Variants in PDE9A observed in about 807,000 individuals in gnomAD.
The protein encoded by PDE9A is high affinity cGMP-specific 3',5'-cyclic phosphodiesterase 9A.
PDE9A carries 60 observed loss-of-function variants against 87.4 expected under a neutral mutation model. The observed-to-expected ratio is 0.69, with a 90% confidence interval of 0.56 to 0.85. PDE9A has a LOEUF of 0.85. Among genes scored for constraint, PDE9A ranks in the 40% least tolerant of loss-of-function variants. The probability of loss-of-function intolerance (pLI) is 0.00; values close to 1 mark genes in which losing one functional copy is unlikely to be tolerated. For synonymous variants in PDE9A, 272 were observed against 279.4 expected (o/e 0.97, Z 0.27); for missense variants, 665 against 779.0 (o/e 0.85, Z 1.74).
intron 8 of PDE9A, 133 bp from the exon 9 acceptor site, chr21:42,750,983 C>CGTCAG (rs1180841503): frequency 1.4e-6 from 1 of 708,442 alleles, no homozygotes; most frequent in Admixed American, 2.0e-5. Flanking sequence ...TGCTGCTGCC[C>CGTCAG]TGACTCCTCT....
At chr21:42,655,484 AG>A (rs1162629209) in intron 1 of PDE9A, among the ~76,000 whole-genome samples, 4 of 152,062 alleles carry the variant, frequency 2.6e-5, no homozygotes, top group Non-Finnish European at 4.4e-5. Context: ...GGACACGCTG[AG>A]GTTGGGGTGA....
intron 3 of PDE9A, among the ~76,000 whole-genome samples, chr21:42,688,792 A>T (rs1162857399): frequency 6.6e-6 from 1 of 152,226 alleles, no homozygotes; most frequent in Non-Finnish European, 1.5e-5. Flanking sequence ...ACACTTGTCA[A>T]TCTGGTCATC....
intron 7 of PDE9A, among the ~76,000 whole-genome samples, chr21:42,738,798 G>A (rs1048597206): frequency 3.3e-5 from 5 of 152,088 alleles, no homozygotes; most frequent in African/African-American, 9.7e-5. Flanking sequence ...TGATTCTCCC[G>A]CCTCAGCCCC....
chr21:42,680,409 T>C (rs533400412), intron 1 of PDE9A, among the ~76,000 whole-genome samples: 1 of 152,332 alleles, frequency 6.6e-6, no homozygotes, highest in East Asian at 1.9e-4. Flanking sequence ...TGTGCTGTCA[T>C]GGGTGCAGGG....
intron 1 of PDE9A, among the ~76,000 whole-genome samples, chr21:42,672,605 C>G (rs191975543): frequency 2.2e-3 from 335 of 152,382 alleles, no homozygotes; most frequent in African/African-American, 6.3e-3. Flanking sequence ...TGGAGGAACC[C>G]ACCTGGGGCC....
At chr21:42,715,188 C>CTTTTTTTTTT (rs369972172) in intron 4 of PDE9A, among the ~76,000 whole-genome samples, 6 of 104,638 alleles carry the variant, frequency 5.7e-5, no homozygotes, top group African/African-American at 8.1e-5. Flanking sequence ...TGCATCTTTA[C>CTTTTTTTTTT]TTTTTTTTTT....
chr21:42,767,502 G>C (rs2056522032), intron 15 of PDE9A, among the ~76,000 whole-genome samples: 1 of 152,220 alleles, frequency 6.6e-6, no homozygotes, highest in Non-Finnish European at 1.5e-5. Context: ...AGGTTGGAAG[G>C]CAGGATCCAC....
rs954063141 is a variant in PDE9A, at chr21:42,758,915, C to G, written c.811-84C>G. The G allele has an allele frequency of 6.7e-6, 7 of 1,045,750 alleles. No homozygotes were observed. In the East Asian group the frequency reaches 1.7e-4, roughly 26 times the overall value. The allele number at this position is 1,045,750 out of a possible 1,614,324, so 64.8% of individuals were successfully genotyped here. ...CCTGCCAACGGCCCTGCTGGCACTC[C>G]GAGGACAGCAGAGGGAAGGAAGCCA... On this transcript the variant is annotated intron_variant, in intron 10 of 19. Coordinates refer to ENST00000291539, the MANE Select transcript of PDE9A (RefSeq NM_002606.3).
Position 42,775,479 on chromosome 21 carries a change from G to T in PDE9A, c.*186G>T, listed in dbSNP as rs2057418241. The T allele has an allele frequency of 5.9e-6, 3 of 508,262 alleles. No homozygotes were observed. The highest frequency in any genetic ancestry group is 4.0e-5 in the Admixed American group (1 of 24,928). The allele number at this position is 508,262 out of a possible 1,614,324, so 31.5% of individuals were successfully genotyped here. The stretch of plus-strand genomic sequence containing the variant: ...CTGTACAGAATTTTATTTTTAAACT[G>T]TCTTTTAAATAATATATTCTTATAC... On this transcript the variant is annotated 3_prime_UTR_variant, in exon 20 of 20. Transcript: ENST00000291539.
intron 4 of PDE9A, among the ~76,000 whole-genome samples, chr21:42,703,072 G>T (rs893401316): frequency 1.5e-4 from 23 of 152,214 alleles, no homozygotes; most frequent in African/African-American, 2.4e-5. Flanking sequence ...GATGAGGAGC[G>T]CAGGTTCCAG....
rs1428970747 is a variant in PDE9A, at chr21:42,760,129, G to A, written c.898-199G>A. 6.6e-6 allele frequency among the ~76,000 whole-genome samples: 1 copy of A among 152,086 alleles called. No homozygotes were observed. Among genetic ancestry groups the A allele is most frequent in the Non-Finnish European group, 1.5e-5 (1 of 67,996 alleles). ...CCCCACACCTGCCCCGGGTGCCGTGGTGTGGCCCGCTGGACGTTCTCAGGG... is the reference window on the plus strand; with the variant it reads ...CCCCACACCTGCCCCGGGTGCCGTGATGTGGCCCGCTGGACGTTCTCAGGG... On this transcript the variant is annotated intron_variant, in intron 11 of 19. Coordinates refer to ENST00000291539, the MANE Select transcript of PDE9A (RefSeq NM_002606.3). The surrounding 1 kb of genome is among the most constrained non-coding windows in gnomAD (Gnocchi z 5.2).
intron 8 of PDE9A, 30 bp downstream of exon 8, chr21:42,743,890 C>A: frequency 7.1e-7 from 1 of 1,402,430 alleles, no homozygotes; most frequent in Non-Finnish European, 9.9e-7. Context: ...CACGGGCGGC[C>A]GGGCCTGGGG....
At chr21:42,772,414 T>C in intron 18 of PDE9A, 25 bp from the exon 19 acceptor site, 1 of 1,532,100 alleles carries the variant, frequency 6.5e-7, no homozygotes, top group South Asian at 1.2e-5. Context: ...CTCCCTGACT[T>C]GGCCTTCTCT....
intron 14 of PDE9A, among the ~76,000 whole-genome samples, chr21:42,763,336 A>G (rs1052087737): frequency 6.6e-6 from 1 of 152,184 alleles, no homozygotes; most frequent in Non-Finnish European, 1.5e-5. Context: ...ATCAGTGTGG[A>G]TTGTCTAAGG....
chr21:42,705,928 G>A lies in PDE9A; in HGVS notation c.262+6917G>A, dbSNP rs577866650. Among the ~76,000 whole-genome samples, 120 of 152,306 alleles carry A rather than the reference G, an allele frequency of 7.9e-4. No homozygotes were observed. Among genetic ancestry groups the A allele is most frequent in the African/African-American group, 2.7e-3 (112 of 41,552 alleles). On this transcript the variant is annotated intron_variant, in intron 4 of 19. Transcript: ENST00000291539. The surrounding 1 kb of genome is among the most constrained non-coding windows in gnomAD (Gnocchi z 4.3). ...CCTGGCCAGAGACCGAGGGTGACTCGGAGGCTTCCAGTTCCCAGCAGCTTT... is the reference window on the plus strand; with the variant it reads ...CCTGGCCAGAGACCGAGGGTGACTCAGAGGCTTCCAGTTCCCAGCAGCTTT...
chr21:42,756,496 CCAGA>C (rs1325017777), intron 10 of PDE9A, among the ~76,000 whole-genome samples: 8 of 152,234 alleles, frequency 5.3e-5, no homozygotes, highest in African/African-American at 1.9e-4. Flanking sequence ...CCATCACAAA[CCAGA>C]CAGAGGACAT....
At chr21:42,707,303 G>A (rs1212029565) in intron 4 of PDE9A, among the ~76,000 whole-genome samples, 2 of 152,160 alleles carry the variant, frequency 1.3e-5, no homozygotes, top group Non-Finnish European at 2.9e-5. Flanking sequence ...TGCAGCCTGG[G>A]TGGGAGGTCC....
At chr21:42,726,942 G>T (rs924987253) in intron 4 of PDE9A, among the ~76,000 whole-genome samples, 2 of 151,338 alleles carry the variant, frequency 1.3e-5, no homozygotes, top group African/African-American at 4.9e-5. Context: ...TCACAGTCTT[G>T]ATTACCGAAA....
chr21:42,687,591 G>C (rs1050875152), intron 2 of PDE9A, among the ~76,000 whole-genome samples: 1 of 152,160 alleles, frequency 6.6e-6, no homozygotes, highest in Non-Finnish European at 1.5e-5. Context: ...TTCGTCATCT[G>C]CTGATATAAA....
Sources: allele counts gnomAD v4.1 joint callset (sites outside exome capture counted in the v4.1 genomes callset), GRCh38; gene constraint gnomAD v4.1.1; non-coding constraint Gnocchi (gnomAD v3.1); transcripts MANE v1.5; gene names NCBI Gene and HGNC (gene_info 2026-07-23, HGNC 2026-07-21).